HDLBP: variants seen among roughly 807,000 people sequenced by gnomAD.
HDLBP encodes the protein vigilin.
A neutral mutation model predicts 137.3 loss-of-function variants in HDLBP; 30 were observed. The ratio of observed to expected loss-of-function variants is 0.22; its 90% CI spans 0.16 to 0.30. The LOEUF is 0.30. Ranked by LOEUF, HDLBP falls within the 10% of genes least tolerant of loss-of-function variation. HDLBP has a pLI of 1.00. For missense variants in HDLBP, 1,119 were observed against 1,667.3 expected, an observed-to-expected ratio of 0.67 and a Z score of 5.73; for synonymous variants, 606 against 596.0, an observed-to-expected ratio of 1.02 and a Z score of -0.24.
At chr2:241,253,085 T>C in intron 10 of HDLBP, 50 bp from the exon 11 acceptor site, 3 of 1,380,158 alleles carry the variant, frequency 2.2e-6, no homozygotes, top group Non-Finnish European at 3.1e-6. Context: ...ACTTGGCCAA[T>C]GAGCTGAACC....
intron 1 of HDLBP, among the ~76,000 whole-genome samples, chr2:241,296,519 A>G (rs1222173053): frequency 6.6e-6 from 1 of 152,256 alleles, no homozygotes; most frequent in African/African-American, 2.4e-5. Context: ...TAAGAATTTT[A>G]TAGAACACTA....
chr2:241,271,507 A>G (rs926195203), intron 1 of HDLBP, among the ~76,000 whole-genome samples: 14 of 152,228 alleles, frequency 9.2e-5, no homozygotes, highest in Non-Finnish European at 1.5e-5. Flanking sequence ...GGTTTCTGAC[A>G]GCAACAAAAA....
intron 1 of HDLBP, among the ~76,000 whole-genome samples, chr2:241,293,544 T>A (rs1251720675): frequency 6.6e-6 from 1 of 151,114 alleles, no homozygotes; most frequent in African/African-American, 2.4e-5. Context: ...CCCAGGAGGT[T>A]GAGCCTGCAG....
Position 241,238,611 on chromosome 2 carries a change from A to G in HDLBP, c.2749+38T>C. 6.9e-7 allele frequency: 1 copy of G among 1,446,832 alleles called. No individual in the cohort carries two copies. Among genetic ancestry groups the G allele is most frequent in the Non-Finnish European group, 9.2e-7 (1 of 1,085,270 alleles). The allele number at this position is 1,446,832 out of a possible 1,614,324, so 89.6% of individuals were successfully genotyped here. A position where few individuals can be genotyped will look rare whatever the true frequency, so the allele number is the denominator to read the frequency against. Reference sequence around the variant, plus strand: ...CCCCGCCTCTCACATGGGAGGCGCCACTATTAACAAGCAGAGCAGGGCTAA... The same window carrying G: ...CCCCGCCTCTCACATGGGAGGCGCCGCTATTAACAAGCAGAGCAGGGCTAA... On this transcript the variant is annotated intron_variant, in intron 20 of 27. Transcript: ENST00000310931. This position sits in a 1 kb window ranked among gnomAD's most constrained non-coding sequence, Gnocchi z 4.9.
intron 1 of HDLBP, among the ~76,000 whole-genome samples, chr2:241,304,836 G>C (rs910243169): frequency 2.6e-5 from 4 of 152,290 alleles, no homozygotes; most frequent in East Asian, 3.9e-4. Flanking sequence ...TGTCAAGATG[G>C]AATGTTTAAA....
chr2:241,252,063 C>T (rs2072243458), intron 11 of HDLBP, among the ~76,000 whole-genome samples: 1 of 152,214 alleles, frequency 6.6e-6, no homozygotes, highest in Non-Finnish European at 1.5e-5. Context: ...AACTGTGCTA[C>T]ACCTGCAACC....
At chr2:241,235,011 G>A (rs993767472) in intron 23 of HDLBP, 110 bp downstream of exon 23, 105 of 1,359,046 alleles carry the variant, frequency 7.7e-5, no homozygotes, top group Non-Finnish European at 9.6e-5. Context: ...CTCACCTCCA[G>A]CCAGATGTCG....
intron 1 of HDLBP, among the ~76,000 whole-genome samples, chr2:241,286,262 C>A (rs573312830): frequency 6.6e-6 from 1 of 152,108 alleles, no homozygotes; most frequent in African/African-American, 2.4e-5. Context: ...AAAACCAACA[C>A]AGGCAACATA....
rs1282551852 is a variant in HDLBP, at chr2:241,236,647, C to G, written c.2872G>C (p.Glu958Gln). Residue 958 changes from glutamate to glutamine, a missense_variant, in exon 21 of 28, where the codon GAA becomes CAA. Glu to Gln is a conservative substitution (Grantham distance 29). Around this residue, in one of 4 missense-constraint regions of HDLBP, gnomAD observed 618 missense variants for 816.7 expected, o/e 0.76. Coordinates refer to ENST00000310931, the MANE Select transcript of HDLBP (RefSeq NM_005336.6). ...GCTTCCTTGGCAGCCTCACACTTTT[C>G]TTTCCGGCCAGAGATGATGATGATG... ...CDIIIISGRK[E>Q]KCEAAKEALE... 1.2e-6 allele frequency: 2 copies of G among 1,614,198 alleles called. No individual in the cohort carries two copies. The highest frequency in any genetic ancestry group is 1.7e-5 in the Admixed American group (1 of 60,028).
chr2:241,245,529 A>AGTGGCTC (rs1477363151), intron 16 of HDLBP, among the ~76,000 whole-genome samples: 1 of 152,200 alleles, frequency 6.6e-6, no homozygotes, highest in African/African-American at 2.4e-5. Flanking sequence ...GGCTGGGTGC[A>AGTGGCTC]GTGGCTCACA....
rs1486507843 is a variant in HDLBP at position 241,230,961 on chromosome 2, T to C, written c.3289-17A>G. 3.1e-6 allele frequency: 5 copies of C among 1,608,902 alleles called. No homozygotes were observed. The highest frequency in any genetic ancestry group is 4.3e-6 in the Non-Finnish European group (5 of 1,175,490). ...GTCCTGGGGCTAAAAAAGGAGAATG[T>C]AGTCAGAAAAGGGGATGCCTTACTG... On this transcript the variant is annotated splice_polypyrimidine_tract_variant and intron_variant, in intron 24 of 27. Transcript: ENST00000310931. This position sits in a 1 kb window ranked among gnomAD's most constrained non-coding sequence, Gnocchi z 5.0.
In HDLBP at chr2:241,239,994, A is replaced by G; in HGVS notation, c.2298T>C (p.Ala766=). ...STGARVIFPA[A]EDKDQDLITI... is the part of the protein sequence containing the mutation. ...TGATCAGGTCCTGGTCCTTGTCCTC[A>G]GCCGCAGGGAAGATGACACGTGCTC... The change falls in exon 18 of 28, where the codon GCT becomes GCC. Residue 766 remains alanine (A), a synonymous_variant. Coordinates refer to ENST00000310931, the MANE Select transcript of HDLBP (RefSeq NM_005336.6). This position sits in a 1 kb window ranked among gnomAD's most constrained non-coding sequence, Gnocchi z 4.6. 1 of 1,614,190 alleles carries G rather than the reference A, an allele frequency of 6.2e-7. No homozygotes were observed. The highest frequency in any genetic ancestry group is 8.5e-7 in the Non-Finnish European group (1 of 1,180,036).
At chr2:241,291,134 C>T (rs777965908) in intron 1 of HDLBP, among the ~76,000 whole-genome samples, 1 of 152,196 alleles carries the variant, frequency 6.6e-6, no homozygotes, top group Non-Finnish European at 1.5e-5. Context: ...TCGGCTACTA[C>T]AAATCAGTGA....
intron 1 of HDLBP, among the ~76,000 whole-genome samples, chr2:241,309,138 A>G (rs903767692): frequency 2.2e-4 from 33 of 152,068 alleles, no homozygotes; most frequent in Non-Finnish European, 1.6e-4. Flanking sequence ...AGGCCTCCCC[A>G]CTATGCCAAA....
rs1247966632 is a variant in HDLBP at position 241,228,315 on chromosome 2, A to G, written c.*1286T>C. 1.3e-5 allele frequency: 2 copies of G among 152,362 alleles called. No individual in the cohort carries two copies. The highest frequency in any genetic ancestry group is 2.9e-5 in the Non-Finnish European group (2 of 68,142). 9.4% of individuals were successfully genotyped at this position (152,362 alleles called of 1,614,324 possible). On this transcript the variant is annotated 3_prime_UTR_variant, in exon 28 of 28. Coordinates refer to ENST00000310931, the MANE Select transcript of HDLBP (RefSeq NM_005336.6). ...CCTCAGCCCTCACAGCATGACACAG[A>G]TGCCTCCCTCGGAGAGCAGGGTCTC...
At position 241,272,185 on chromosome 2, in the gene HDLBP, C is replaced by CGCGGCAGGTGGAGGTGCT; in HGVS notation, c.-102-3662_-102-3645dup. On this transcript the variant is annotated intron_variant, in intron 1 of 27. Transcript: ENST00000310931. The surrounding 1 kb of genome is among the most constrained non-coding windows in gnomAD (Gnocchi z 5.6). ...AACACGTAGACTGACGCGGGCCCCGCGCGGCAGGTGGAGGTGCTGCGGGGG... is the reference window on the plus strand; with the variant it reads ...AACACGTAGACTGACGCGGGCCCCGCGCGGCAGGTGGAGGTGCTGCGGCAGGTGGAGGTGCTGCGGGGG... The CGCGGCAGGTGGAGGTGCT allele has an allele frequency of 1.0e-6, 1 of 985,234 alleles. No individual in the cohort carries two copies. The highest frequency in any genetic ancestry group is 1.2e-6 in the Non-Finnish European group (1 of 829,766). 61.0% of individuals were successfully genotyped at this position (985,234 alleles called of 1,614,324 possible).
intron 5 of HDLBP, among the ~76,000 whole-genome samples, chr2:241,261,892 A>G (rs1004308271): frequency 1.1e-4 from 16 of 152,168 alleles, no homozygotes; most frequent in African/African-American, 3.9e-4. Flanking sequence ...ACCATGCTCC[A>G]GGGTGCTCCA....
chr2:241,265,073 T>C (rs7602733), intron 3 of HDLBP, among the ~76,000 whole-genome samples: 2,450 of 152,342 alleles, frequency 0.016, 42 homozygotes, highest in African/African-American at 0.043. Context: ...CCTGTGAGAA[T>C]TGCCTTTGAA....
chr2:241,262,388 G>C (rs1251648671), intron 5 of HDLBP, among the ~76,000 whole-genome samples: 1 of 152,136 alleles, frequency 6.6e-6, no homozygotes, highest in Non-Finnish European at 1.5e-5. Flanking sequence ...AGGCCACAGT[G>C]TACTATAACC....
Sources: allele counts gnomAD v4.1 joint callset (sites outside exome capture counted in the v4.1 genomes callset), GRCh38; gene constraint gnomAD v4.1.1; regional missense constraint gnomAD v4.1.1; non-coding constraint Gnocchi (gnomAD v3.1); transcripts MANE v1.5; gene names NCBI Gene and HGNC (gene_info 2026-07-23, HGNC 2026-07-21).